Variants in PXDNL observed in about 807,000 individuals in gnomAD.
PXDNL encodes the protein probable oxidoreductase PXDNL.
In PXDNL, 145 loss-of-function variants were observed where a neutral mutation model predicts 150.8. The observed-to-expected ratio is 0.96, with a 90% CI of 0.84 to 1.10. The LOEUF (loss-of-function observed/expected upper bound fraction) is 1.10, where lower values mean the gene tolerates loss of function less well. PXDNL is among the 50% of genes least tolerant of loss of function. PXDNL has a pLI of 0.00. For synonymous variants in PXDNL, 757 were observed against 725.7 expected, an observed-to-expected ratio of 1.04 and a Z score of -0.69; for missense variants, 2,087 against 1,873.9, an observed-to-expected ratio of 1.11 and a Z score of -2.10.
intron 3 of PXDNL, among the ~76,000 whole-genome samples, chr8:51,573,562 C>T (rs1314546906): frequency 6.6e-6 from 1 of 151,930 alleles, no homozygotes; most frequent in African/African-American, 2.4e-5. Flanking sequence ...CAGTGGAGAG[C>T]CCGCACTCCC....
At chr8:51,764,257 CT>C (rs539655471) in intron 1 of PXDNL, among the ~76,000 whole-genome samples, 26 of 151,816 alleles carry the variant, frequency 1.7e-4, no homozygotes, top group Non-Finnish European at 2.8e-4. Context: ...AAAGAGCAAG[CT>C]TTTTTGGTTT....
intron 4 of PXDNL, among the ~76,000 whole-genome samples, chr8:51,525,987 G>A (rs1272022696): frequency 6.6e-6 from 1 of 152,188 alleles, no homozygotes; most frequent in Non-Finnish European, 1.5e-5. Context: ...TTCTTGTTAG[G>A]GGGAAATGCT....
chr8:51,522,311 T>C (rs907961158), intron 4 of PXDNL, among the ~76,000 whole-genome samples: 1 of 152,212 alleles, frequency 6.6e-6, no homozygotes, highest in Non-Finnish European at 1.5e-5. Flanking sequence ...CCTCTTGTTC[T>C]GGGTTCTCTG....
chr8:51,620,896 T>C (rs1452795964), intron 2 of PXDNL, among the ~76,000 whole-genome samples: 1 of 152,190 alleles, frequency 6.6e-6, no homozygotes, highest in African/African-American at 2.4e-5. Flanking sequence ...ACTGAATAAA[T>C]TCCTTTTGTG....
At chr8:51,723,181 A>T (rs1816762253) in intron 1 of PXDNL, among the ~76,000 whole-genome samples, 1 of 149,198 alleles carries the variant, frequency 6.7e-6, no homozygotes, top group South Asian at 2.2e-4. Flanking sequence ...AAGGACAATT[A>T]GTCTCCCTTC....
intron 1 of PXDNL, among the ~76,000 whole-genome samples, chr8:51,766,743 T>TAA (rs397973706): frequency 5.9e-5 from 9 of 151,456 alleles, no homozygotes; most frequent in Admixed American, 3.3e-4. Flanking sequence ...ATCTTTTTTT[T>TAA]AAAAAAAAAA....
intron 1 of PXDNL, among the ~76,000 whole-genome samples, chr8:51,788,507 T>C (rs889687919): frequency 6.6e-6 from 1 of 152,200 alleles, no homozygotes; most frequent in Admixed American, 6.5e-5. Flanking sequence ...TAGATAAAGA[T>C]GTATTTGCAC....
At position 51,716,629 on chromosome 8, in the gene PXDNL, C is replaced by T. The variant is rs532676276; in HGVS notation, c.165-61869G>A. ...TAGTGTAAGAGCTCCAAACGTGTGC[C>T]ATGATTTTCTCCATATTACTTTTTG... On this transcript the variant is annotated intron_variant, in intron 1 of 22. Transcript: ENST00000356297. Among the ~76,000 whole-genome samples, 9 of 152,274 alleles carry T rather than the reference C, an allele frequency of 5.9e-5. No individual in the cohort carries two copies. In the South Asian group the frequency reaches 1.9e-3, roughly 32 times the overall value.
At chr8:51,424,224 C>T (rs1809030743) in intron 13 of PXDNL, among the ~76,000 whole-genome samples, 1 of 151,956 alleles carries the variant, frequency 6.6e-6, no homozygotes, top group South Asian at 2.1e-4. Flanking sequence ...CAAAAGTCAG[C>T]CAGGCATGGT....
chr8:51,792,703 T>C (rs1046591456), intron 1 of PXDNL, among the ~76,000 whole-genome samples: 1 of 152,144 alleles, frequency 6.6e-6, no homozygotes. Flanking sequence ...CACAGGATAA[T>C]GGCTGTGGTA....
At chr8:51,600,898 G>A (rs1210324589) in intron 2 of PXDNL, among the ~76,000 whole-genome samples, 1 of 135,550 alleles carries the variant, frequency 7.4e-6, no homozygotes, top group Non-Finnish European at 1.5e-5. Context: ...AAATTATATA[G>A]TTTAGATAAT....
At chr8:51,604,675 T>C (rs374121667) in intron 2 of PXDNL, among the ~76,000 whole-genome samples, 2 of 152,210 alleles carry the variant, frequency 1.3e-5, no homozygotes, top group East Asian at 3.8e-4. Flanking sequence ...ACTTAAACAT[T>C]TGCCCATAAA....
At chr8:51,623,463 TCCA>T (rs1814298425) in intron 2 of PXDNL, among the ~76,000 whole-genome samples, 2 of 152,264 alleles carry the variant, frequency 1.3e-5, no homozygotes, top group African/African-American at 4.8e-5. Context: ...TGTTTCACTC[TCCA>T]CCTAGAAGCA....
At chr8:51,801,972 T>C (rs2129264011) in intron 1 of PXDNL, among the ~76,000 whole-genome samples, 1 of 152,284 alleles carries the variant, frequency 6.6e-6, no homozygotes, top group Non-Finnish European at 1.5e-5. Flanking sequence ...GCGACATGAG[T>C]ACATGAATCT....
At chr8:51,332,731 A>C (rs1328921062) in intron 21 of PXDNL, among the ~76,000 whole-genome samples, 1 of 152,210 alleles carries the variant, frequency 6.6e-6, no homozygotes, top group Non-Finnish European at 1.5e-5. Flanking sequence ...AAGTAGAAGA[A>C]AGAAATTCAG....
At chr8:51,542,557 T>C (rs899020153) in intron 4 of PXDNL, among the ~76,000 whole-genome samples, 3 of 150,302 alleles carry the variant, frequency 2.0e-5, no homozygotes, top group Admixed American at 2.0e-4. Flanking sequence ...TTCTGTAATC[T>C]CAGCAATTTT....
intron 3 of PXDNL, among the ~76,000 whole-genome samples, chr8:51,575,298 G>A (rs1054037358): frequency 1.3e-5 from 2 of 151,694 alleles, no homozygotes; most frequent in Non-Finnish European, 2.9e-5. Context: ...TCTAAAAAAT[G>A]TACAAGTAAC....
intron 1 of PXDNL, among the ~76,000 whole-genome samples, chr8:51,794,429 C>G (rs2037541492): frequency 6.6e-6 from 1 of 152,130 alleles, no homozygotes; most frequent in East Asian, 1.9e-4. Flanking sequence ...GGCCAGGTCC[C>G]CTATGAAGGG....
chr8:51,524,536 C>T (rs1811728975), intron 4 of PXDNL, among the ~76,000 whole-genome samples: 1 of 152,160 alleles, frequency 6.6e-6, no homozygotes, highest in South Asian at 2.1e-4. Context: ...TTAGGCAAAT[C>T]TTTCCACCTA....
Sources: gnomAD v4.1 joint callset for allele counts (sites outside exome capture counted in the v4.1 genomes callset) on GRCh38, gnomAD v4.1.1 for gene constraint, MANE v1.5 for transcripts, NCBI Gene and HGNC (gene_info 2026-07-23, HGNC 2026-07-21) for gene names.